DCLK1: variants seen among roughly 807,000 people sequenced by gnomAD.
The protein encoded by DCLK1 is doublecortin like kinase 1.
Under a neutral mutation model 86.2 loss-of-function variants are expected in DCLK1, and 16 were observed. The observed-to-expected ratio is 0.19, with a 90% CI of 0.13 to 0.28. The LOEUF is 0.28. Among genes scored for constraint, DCLK1 ranks in the 10% least tolerant of loss-of-function variants. DCLK1 has a pLI of 1.00. For synonymous variants in DCLK1, 369 were observed against 370.5 expected, an observed-to-expected ratio of 1.00 and a Z score of 0.05; for missense variants, 590 against 940.2, an observed-to-expected ratio of 0.63 and a Z score of 4.87.
chr13:35,834,870 A>G (rs945824453), intron 8 of DCLK1, among the ~76,000 whole-genome samples: 4 of 152,146 alleles, frequency 2.6e-5, no homozygotes, highest in Non-Finnish European at 5.9e-5. Context: ...GGAGTAGAAC[A>G]AGGTTTGAGA....
intron 3 of DCLK1, among the ~76,000 whole-genome samples, chr13:36,059,595 T>A (rs1306143664): frequency 6.6e-6 from 1 of 152,166 alleles, no homozygotes; most frequent in East Asian, 1.9e-4. Flanking sequence ...GGGATTTGAC[T>A]CTGGACCGTA....
chr13:35,797,967 T>C (rs2086845756), intron 15 of DCLK1, among the ~76,000 whole-genome samples: 1 of 152,224 alleles, frequency 6.6e-6, no homozygotes, highest in Non-Finnish European at 1.5e-5. Context: ...AATCTGGCAG[T>C]ATTTTACAAA....
chr13:35,887,878 CAAAAAAAAAAAAAAAAAAA>C (rs760195385), intron 4 of DCLK1, among the ~76,000 whole-genome samples: 3 of 38,740 alleles, frequency 7.7e-5, no homozygotes, highest in Non-Finnish European at 9.7e-5. Flanking sequence ...GATCTTGTCT[CAAAAAAAAAAAAAAAAAAA>C]AAAAAAAAAA....
At chr13:35,851,767 G>A (rs1291747719) in intron 6 of DCLK1, among the ~76,000 whole-genome samples, 1 of 152,090 alleles carries the variant, frequency 6.6e-6, no homozygotes, top group Non-Finnish European at 1.5e-5. Flanking sequence ...CTGGCATGCA[G>A]GTTTTCATTG....
At chr13:35,953,333 T>A (rs773706147) in intron 3 of DCLK1, among the ~76,000 whole-genome samples, 2 of 152,160 alleles carry the variant, frequency 1.3e-5, no homozygotes, top group Non-Finnish European at 2.9e-5. Context: ...GAGTCTATCA[T>A]GCACCCTCAC....
intron 9 of DCLK1, among the ~76,000 whole-genome samples, 174 bp downstream of exon 9, chr13:35,828,076 C>T (rs1486217724): frequency 6.6e-6 from 1 of 152,122 alleles, no homozygotes. Flanking sequence ...CTAATCATTC[C>T]AAATAACTTT....
intron 5 of DCLK1, among the ~76,000 whole-genome samples, chr13:35,856,152 G>T (rs951756747): frequency 6.6e-5 from 10 of 152,166 alleles, no homozygotes; most frequent in African/African-American, 2.4e-4. Flanking sequence ...CCTAAAAATA[G>T]AAACCTAAAA....
intron 3 of DCLK1, among the ~76,000 whole-genome samples, chr13:36,037,749 G>T (rs1286852269): frequency 6.6e-6 from 1 of 152,072 alleles, no homozygotes; most frequent in African/African-American, 2.4e-5. Context: ...CTCCCAAAGT[G>T]CTGGGATTAC....
At chr13:35,984,100 G>C (rs1210203948) in intron 3 of DCLK1, among the ~76,000 whole-genome samples, 1 of 152,188 alleles carries the variant, frequency 6.6e-6, no homozygotes, top group East Asian at 1.9e-4. Context: ...GTCAATAAGT[G>C]CTCAATCTGG....
At chr13:35,835,916 G>A (rs1869335566) in intron 8 of DCLK1, 117 bp downstream of exon 8, 1 of 748,608 alleles carries the variant, frequency 1.3e-6, no homozygotes, top group Non-Finnish European at 2.1e-6. Flanking sequence ...TTTGCATTTG[G>A]GGTTGAGACA....
rs192331621 is a variant in DCLK1, at chr13:35,780,629, T to C, written c.2059-5930A>G. ...GGGAAGCTGGTAAAGAGAGAACACATGGTTGATTAAATAAAATGGTATAGA... is the reference window on the plus strand; with the variant it reads ...GGGAAGCTGGTAAAGAGAGAACACACGGTTGATTAAATAAAATGGTATAGA... On this transcript the variant is annotated intron_variant, in intron 16 of 16. Transcript: ENST00000360631. Among the ~76,000 whole-genome samples the C allele has an allele frequency of 2.6e-3, 403 of 152,218 alleles. 2 individuals are homozygous for C. Among genetic ancestry groups the C allele is most frequent in the African/African-American group, 9.4e-3 (390 of 41,540 alleles).
intron 5 of DCLK1, among the ~76,000 whole-genome samples, chr13:35,867,955 A>AAGAAAGAAAG (rs1566577027): frequency 5.4e-5 from 8 of 148,266 alleles, no homozygotes; most frequent in African/African-American, 2.0e-4. Flanking sequence ...GAAAGAAAGA[A>AAGAAAGAAAG]AGAAAGAAAG....
intron 7 of DCLK1, 53 bp downstream of exon 7, chr13:35,839,039 A>G: frequency 6.6e-7 from 1 of 1,521,272 alleles, no homozygotes; most frequent in Middle Eastern, 1.7e-4. Flanking sequence ...CTTGGAGTAA[A>G]TTTAGCCAAC....
At chr13:35,914,333 ATATATATATATATATACATATAT>A (rs1566600170) in intron 4 of DCLK1, among the ~76,000 whole-genome samples, 1 of 32,972 alleles carries the variant, frequency 3.0e-5, no homozygotes, top group African/African-American at 2.2e-4. Flanking sequence ...AAAAAAAAAA[ATATATATATATATATACATATAT>A]ATATATATAT....
chr13:35,849,944 T>A (rs961421266), intron 6 of DCLK1: 2 of 956,560 alleles, frequency 2.1e-6, no homozygotes, highest in African/African-American at 3.5e-5. Flanking sequence ...AATTATACAA[T>A]CTATAGCAAT....
intron 16 of DCLK1, among the ~76,000 whole-genome samples, chr13:35,777,344 G>A (rs187035596): frequency 3.9e-5 from 6 of 152,306 alleles, no homozygotes; most frequent in African/African-American, 1.2e-4. Flanking sequence ...GGGAAACTGA[G>A]ACCTAGGCAT....
At chr13:36,102,503 T>C (rs1885253350) in intron 3 of DCLK1, among the ~76,000 whole-genome samples, 1 of 152,206 alleles carries the variant, frequency 6.6e-6, no homozygotes. Flanking sequence ...GATATTTTGG[T>C]CTCACACAGG....
intron 6 of DCLK1, among the ~76,000 whole-genome samples, chr13:35,841,170 G>A (rs572656483): frequency 3.0e-4 from 46 of 152,282 alleles, no homozygotes; most frequent in Non-Finnish European, 5.3e-4. Context: ...GCCTTGTCAC[G>A]TGGCGTTTTA....
chr13:36,112,223 A>T lies in DCLK1; in HGVS notation c.377-8T>A, dbSNP rs765702764. On this transcript the variant is annotated splice_region_variant and splice_polypyrimidine_tract_variant and intron_variant, in intron 2 of 16. Coordinates refer to ENST00000360631, the MANE Select transcript of DCLK1 (RefSeq NM_001330071.2). ...CACATACATAACTCTCTCCTAAGGAAGAGAGAAATATATTTAAATTTATAC... is the reference window on the plus strand; with the variant it reads ...CACATACATAACTCTCTCCTAAGGATGAGAGAAATATATTTAAATTTATAC... The T allele has an allele frequency of 6.5e-7, 1 of 1,532,028 alleles. No homozygotes were observed. The highest frequency in any genetic ancestry group is 8.8e-7 in the Non-Finnish European group (1 of 1,136,920). 94.9% of individuals were successfully genotyped at this position (1,532,028 alleles called of 1,614,324 possible). A position where few individuals can be genotyped will look rare whatever the true frequency, so the allele number is the denominator to read the frequency against.
Sources: gnomAD v4.1 joint callset for allele counts (sites outside exome capture counted in the v4.1 genomes callset) on GRCh38, gnomAD v4.1.1 for gene constraint, MANE v1.5 for transcripts, NCBI Gene and HGNC (gene_info 2026-07-23, HGNC 2026-07-21) for gene names.